Variants in IL1RN observed in about 807,000 individuals in gnomAD.
The protein encoded by IL1RN is interleukin 1 receptor antagonist.
A neutral mutation model predicts 13.7 loss-of-function variants in IL1RN; 10 were observed. The ratio of observed to expected loss-of-function variants is 0.73; its 90% CI spans 0.45 to 1.24. IL1RN has a LOEUF of 1.24. Ranked by LOEUF, IL1RN falls within the 50% of genes most tolerant of loss-of-function variation. The pLI is 0.00. For missense variants in IL1RN, 213 were observed against 222.1 expected (o/e 0.96, Z 0.26); for synonymous variants, 102 against 82.7 (o/e 1.23, Z -1.27).
chr2:113,104,469 C>T (rs1350128194), upstream of IL1RN, among the ~76,000 whole-genome samples: 1 of 152,114 alleles, frequency 6.6e-6, no homozygotes, highest in Non-Finnish European at 1.5e-5. Flanking sequence ...ATGTCTATTC[C>T]TGGGCCTTCT....
chr2:113,106,483 G>A (rs1490062877), upstream of IL1RN, among the ~76,000 whole-genome samples: 1 of 152,178 alleles, frequency 6.6e-6, no homozygotes, highest in Admixed American at 6.5e-5. Flanking sequence ...AAGCAACATT[G>A]TTCTATAATA....
At chr2:113,119,819 C>T (rs1016579967) in intron 1 of IL1RN, among the ~76,000 whole-genome samples, 1 of 152,118 alleles carries the variant, frequency 6.6e-6, no homozygotes, top group Non-Finnish European at 1.5e-5. Flanking sequence ...GGTAGAGGAA[C>T]CACATTCTCC....
the IL1RN span, among the ~76,000 whole-genome samples, chr2:113,100,254 A>G: frequency 6.7e-6 from 1 of 148,324 alleles, no homozygotes; most frequent in East Asian, 2.1e-4. Flanking sequence ...TGAACCTGGG[A>G]GGTGGAGCTT....
chr2:113,125,952 C>T (rs946234687), upstream of IL1RN, among the ~76,000 whole-genome samples: 1 of 152,304 alleles, frequency 6.6e-6, no homozygotes, highest in South Asian at 2.1e-4. Context: ...GCACATGCCA[C>T]CATCCCTGCT....
upstream of IL1RN, among the ~76,000 whole-genome samples, chr2:113,117,105 G>T (rs915547220): frequency 6.6e-6 from 1 of 152,222 alleles, no homozygotes; most frequent in African/African-American, 2.4e-5. Flanking sequence ...GAAGCTACAA[G>T]CAGGTTCGCT....
At chr2:113,114,673 G>A (rs1177583529), upstream of IL1RN, among the ~76,000 whole-genome samples, 1 of 152,110 alleles carries the variant, frequency 6.6e-6, no homozygotes, top group African/African-American at 2.4e-5. Context: ...GTGTTTGTGT[G>A]TGTGTGTGAG....
Position 113,133,124 on chromosome 2 carries a change from A to C in IL1RN, c.*253A>C. 1 of 555,944 alleles carries C rather than the reference A, an allele frequency of 1.8e-6. No homozygotes were observed. The allele number at this position is 555,944 out of a possible 1,614,324, so 34.4% of individuals were successfully genotyped here. ...AGCAGCCCCTGCACAAAGCCCTTCC[A>C]TGTCGCCTCTGCATTCAGGATCAAA... On this transcript the variant is annotated 3_prime_UTR_variant, in exon 4 of 4. Transcript: ENST00000409930.
At chr2:113,115,848 G>A (rs1003914575), upstream of IL1RN, among the ~76,000 whole-genome samples, 3 of 152,202 alleles carry the variant, frequency 2.0e-5, no homozygotes, top group East Asian at 3.8e-4. Flanking sequence ...TGTCCCCAGT[G>A]TTGGGACCAC....
chr2:113,115,873 C>T (rs1686582312), upstream of IL1RN, among the ~76,000 whole-genome samples: 1 of 152,174 alleles, frequency 6.6e-6, no homozygotes, highest in East Asian at 1.9e-4. Flanking sequence ...GAATGCCCAG[C>T]CTTGTGTGCT....
chr2:113,100,077 C>CT, the IL1RN span, among the ~76,000 whole-genome samples: 2 of 143,490 alleles, frequency 1.4e-5, no homozygotes, highest in South Asian at 4.7e-4. Context: ...AATCCCAGCA[C>CT]TTTGGGAGGC....
Position 113,129,625 on chromosome 2 carries a change from G to A in IL1RN, c.166G>A (p.Val56Ile), listed in dbSNP as rs557348234. ...CTTCTATCTGAGGAACAACCAACTA[G>A]TTGCTGGATACTTGCAAGGACCAAA... ...KTFYLRNNQLVAGYLQGPNVN... is the reference protein window; with the variant it reads ...KTFYLRNNQLIAGYLQGPNVN... The change falls in exon 2 of 4, where the codon GTT becomes ATT. Residue 56 changes from valine to isoleucine, a missense_variant. Coordinates refer to ENST00000409930, the MANE Select transcript of IL1RN (RefSeq NM_173842.3). 2 of 1,613,564 alleles carry A rather than the reference G, an allele frequency of 1.2e-6. No homozygotes were observed. Among genetic ancestry groups the A allele is most frequent in the East Asian group, 4.5e-5 (2 of 44,892 alleles).
At chr2:113,110,923 T>G (rs1686484758), upstream of IL1RN, among the ~76,000 whole-genome samples, 1 of 152,228 alleles carries the variant, frequency 6.6e-6, no homozygotes, top group South Asian at 2.1e-4. Context: ...ATTTCTGGAA[T>G]GAGTTATGCC....
Position 113,129,671 on chromosome 2 carries a change from G to T in IL1RN, c.205+7G>T. On this transcript the variant is annotated splice_region_variant and intron_variant, in intron 2 of 3. Coordinates refer to ENST00000409930, the MANE Select transcript of IL1RN (RefSeq NM_173842.3). ...CCAAATGTCAATTTAGAAGGTGAGTGGTTGCCAGGAAAGCCAATGTATGTG... is the reference window on the plus strand; with the variant it reads ...CCAAATGTCAATTTAGAAGGTGAGTTGTTGCCAGGAAAGCCAATGTATGTG... The T allele has an allele frequency of 6.3e-7, 1 of 1,598,412 alleles. No individual in the cohort carries two copies. The highest frequency in any genetic ancestry group is 8.6e-7 in the Non-Finnish European group (1 of 1,165,450).
chr2:113,131,537 GC>G (rs1353616698), intron 3 of IL1RN, among the ~76,000 whole-genome samples: 1 of 152,048 alleles, frequency 6.6e-6, no homozygotes. Flanking sequence ...GCTAAGTCTA[GC>G]CCCCTGTGAG....
intron 1 of IL1RN, chr2:113,120,057 C>T: frequency 6.2e-7 from 1 of 1,611,554 alleles, no homozygotes; most frequent in Non-Finnish European, 8.5e-7. Context: ...CCCACCACTT[C>T]CCTTACAGCT....
chr2:113,104,239 A>G (rs1686355509), upstream of IL1RN, among the ~76,000 whole-genome samples: 1 of 152,170 alleles, frequency 6.6e-6, no homozygotes, highest in African/African-American at 2.4e-5. Context: ...GTTAGAGGTA[A>G]ATAAAGTTCA....
At position 113,132,691 on chromosome 2, in the gene IL1RN, G is replaced by T. The variant is rs756787946; in HGVS notation, c.354G>T (p.Lys118Asn). 3.1e-6 allele frequency: 5 copies of T among 1,614,226 alleles called. No homozygotes were observed. In the East Asian group the frequency reaches 1.1e-4, roughly 36 times the overall value. The change falls in exon 4 of 4, where the codon AAG becomes AAT. Residue 118 changes from lysine (K) to asparagine (N), a missense_variant. Physicochemically the swap from Lys to Asn is moderately conservative, Grantham distance 94. Coordinates refer to ENST00000409930, the MANE Select transcript of IL1RN (RefSeq NM_173842.3). ...VNITDLSENR[K>N]QDKRFAFIRS... Reference sequence around the variant, plus strand: ...TCACTGACCTGAGCGAGAACAGAAAGCAGGACAAGCGCTTCGCCTTCATCC... The same window carrying T: ...TCACTGACCTGAGCGAGAACAGAAATCAGGACAAGCGCTTCGCCTTCATCC...
the IL1RN span, among the ~76,000 whole-genome samples, chr2:113,100,297 G>A: frequency 6.7e-6 from 1 of 148,706 alleles, no homozygotes; most frequent in Non-Finnish European, 1.5e-5. Context: ...CTGCACTCCA[G>A]CCCGGGCGAC....
chr2:113,099,506 C>CTCACA, the IL1RN span, among the ~76,000 whole-genome samples: 1 of 152,212 alleles, frequency 6.6e-6, no homozygotes, highest in Non-Finnish European at 1.5e-5. Flanking sequence ...AACGAGCGAA[C>CTCACA]TCACAGTTCC....
Sources: gnomAD v4.1 joint callset for allele counts (sites outside exome capture counted in the v4.1 genomes callset) on GRCh38, gnomAD v4.1.1 for gene constraint, MANE v1.5 for transcripts, NCBI Gene and HGNC (gene_info 2026-07-23, HGNC 2026-07-21) for gene names.